DLGAP2: variants seen among roughly 807,000 people sequenced by gnomAD.
The protein encoded by DLGAP2 is disks large-associated protein 2.
DLGAP2 carries 26 observed loss-of-function variants against 100.3 expected under a neutral mutation model. The observed-to-expected ratio is 0.26, with a 90% CI of 0.19 to 0.36. DLGAP2 has a LOEUF of 0.36. Among genes scored for constraint, DLGAP2 ranks in the 10% least tolerant of loss-of-function variants. The pLI is 1.00. For missense variants in DLGAP2, 1,858 were observed against 1,453.2 expected (o/e 1.28, Z -4.53); for synonymous variants, 886 against 630.1 (o/e 1.41, Z -6.08).
chr8:1,051,693 A>T (rs948911165), intron 2 of DLGAP2, among the ~76,000 whole-genome samples: 1 of 152,078 alleles, frequency 6.6e-6, no homozygotes, highest in Non-Finnish European at 1.5e-5. Flanking sequence ...GTTTAGACTC[A>T]CGGAAGCTGC....
chr8:1,286,141 G>A (rs1329936755), intron 3 of DLGAP2, among the ~76,000 whole-genome samples: 3 of 152,160 alleles, frequency 2.0e-5, no homozygotes, highest in Non-Finnish European at 4.4e-5. Flanking sequence ...TGCCATGCTG[G>A]TCTAGTGATA....
chr8:1,055,377 C>G (rs1268364798), intron 2 of DLGAP2, among the ~76,000 whole-genome samples: 1 of 152,128 alleles, frequency 6.6e-6, no homozygotes, highest in Non-Finnish European at 1.5e-5. Flanking sequence ...GTCATCCGTC[C>G]CCTGTAAGTC....
chr8:1,502,748 C>G (rs905331254), intron 4 of DLGAP2, among the ~76,000 whole-genome samples: 2 of 152,166 alleles, frequency 1.3e-5, no homozygotes, highest in Non-Finnish European at 2.9e-5. Context: ...CGTTTGTTTT[C>G]TTGAGGCTTT....
At chr8:1,442,220 G>A (rs909248489) in intron 3 of DLGAP2, among the ~76,000 whole-genome samples, 1 of 104,622 alleles carries the variant, frequency 9.6e-6, no homozygotes, top group African/African-American at 2.9e-5. Flanking sequence ...TTCAGCCACC[G>A]GGGGAGACGG....
chr8:960,166 C>A (rs951837734), intron 2 of DLGAP2, among the ~76,000 whole-genome samples: 2 of 147,620 alleles, frequency 1.4e-5, no homozygotes, highest in African/African-American at 5.0e-5. Flanking sequence ...TTCTTACATG[C>A]TGTTAGAAGT....
intron 3 of DLGAP2, among the ~76,000 whole-genome samples, chr8:1,295,503 T>C (rs1308924595): frequency 1.3e-5 from 2 of 152,246 alleles, no homozygotes; most frequent in East Asian, 3.9e-4. Context: ...CTGTCCACCG[T>C]GATCTGCTGG....
At chr8:1,286,289 C>G (rs1054700830) in intron 3 of DLGAP2, among the ~76,000 whole-genome samples, 1 of 152,210 alleles carries the variant, frequency 6.6e-6, no homozygotes, top group Non-Finnish European at 1.5e-5. Flanking sequence ...AGCCATGCAG[C>G]TCTTTGAGTC....
intron 2 of DLGAP2, among the ~76,000 whole-genome samples, chr8:993,983 G>C (rs1188174519): frequency 1.3e-5 from 2 of 151,996 alleles, no homozygotes; most frequent in African/African-American, 2.4e-5. Context: ...TATAGAGAAT[G>C]AAAGTGCTGT....
Position 1,238,378 on chromosome 8 carries a change from G to GTGTCTAATTCCCTCACATGGCGCCA in DLGAP2, c.74-20463_74-20462insCCTCACATGGCGCCATGTCTAATTC. On this transcript the variant is annotated intron_variant, in intron 2 of 14. Transcript: ENST00000637795. ...GTGTCTAGTTCTCTCACGTGGCGCC[G>GTGTCTAATTCCCTCACATGGCGCCA]TGTCTAATTCTCTCACATGGCGCCA... 3.2e-4 allele frequency among the ~76,000 whole-genome samples: 9 copies of GTGTCTAATTCCCTCACATGGCGCCA among 27,974 alleles called. 2 individuals carry two copies. Among genetic ancestry groups the GTGTCTAATTCCCTCACATGGCGCCA allele is most frequent in the Admixed American group, 3.1e-3 (9 of 2,914 alleles). 18.4% of individuals were successfully genotyped at this position (27,974 alleles called of 152,430 possible). A position where few individuals can be genotyped will look rare whatever the true frequency, so the allele number is the denominator to read the frequency against.
chr8:1,147,258 CA>C (rs1371701034), intron 2 of DLGAP2, among the ~76,000 whole-genome samples: 1 of 151,648 alleles, frequency 6.6e-6, no homozygotes, highest in South Asian at 2.1e-4. Context: ...TTATGTGCGT[CA>C]AAAAAATGAT....
At chr8:988,396 A>G (rs1296255258) in intron 2 of DLGAP2, among the ~76,000 whole-genome samples, 1 of 152,150 alleles carries the variant, frequency 6.6e-6, no homozygotes, top group Non-Finnish European at 1.5e-5. Context: ...TGCAGGTAAC[A>G]CTCAGCCTTA....
chr8:1,591,295 C>A (rs548406263), intron 6 of DLGAP2, among the ~76,000 whole-genome samples: 1 of 152,206 alleles, frequency 6.6e-6, no homozygotes, highest in African/African-American at 2.4e-5. Context: ...CACCCCCTCC[C>A]CCTCCCTCTT....
chr8:1,677,742 C>T (rs938121990), intron 11 of DLGAP2, among the ~76,000 whole-genome samples: 1 of 152,206 alleles, frequency 6.6e-6, no homozygotes, highest in Admixed American at 6.5e-5. Flanking sequence ...ATTTTGCATA[C>T]AGGGGTTAAT....
At chr8:753,254 G>A (rs907558321) in intron 1 of DLGAP2, among the ~76,000 whole-genome samples, 1 of 152,260 alleles carries the variant, frequency 6.6e-6, no homozygotes, top group African/African-American at 2.4e-5. Context: ...TCTGTATCAC[G>A]GAACACAAAC....
At chr8:1,496,752 C>T (rs527949471) in intron 3 of DLGAP2, among the ~76,000 whole-genome samples, 2 of 152,270 alleles carry the variant, frequency 1.3e-5, no homozygotes, top group East Asian at 3.9e-4. Context: ...TGTGTTCACT[C>T]GGGACAGGTC....
intron 5 of DLGAP2, among the ~76,000 whole-genome samples, chr8:1,550,187 T>C (rs535498629): frequency 6.6e-6 from 1 of 152,326 alleles, no homozygotes; most frequent in East Asian, 1.9e-4. Context: ...TTGTGGAGAA[T>C]GGCAGATCTC....
At chr8:888,003 C>G (rs1797955338) in intron 1 of DLGAP2, among the ~76,000 whole-genome samples, 1 of 151,466 alleles carries the variant, frequency 6.6e-6, no homozygotes, top group African/African-American at 2.5e-5. Flanking sequence ...CTGTCTCCTT[C>G]TGGTACTCCA....
intron 2 of DLGAP2, among the ~76,000 whole-genome samples, chr8:964,844 C>T (rs929066284): frequency 6.6e-6 from 1 of 152,230 alleles, no homozygotes; most frequent in African/African-American, 2.4e-5. Context: ...TCCTGGTGGC[C>T]TTGCGATGGC....
At chr8:1,352,249 G>A (rs540425945) in intron 3 of DLGAP2, among the ~76,000 whole-genome samples, 3 of 124,080 alleles carry the variant, frequency 2.4e-5, no homozygotes, top group Non-Finnish European at 3.4e-5. Flanking sequence ...TGGAAAGGCC[G>A]TGTGGGTCCT....
Sources: gnomAD v4.1 joint callset for allele counts (sites outside exome capture counted in the v4.1 genomes callset) on GRCh38, gnomAD v4.1.1 for gene constraint, MANE v1.5 for transcripts, NCBI Gene and HGNC (gene_info 2026-07-23, HGNC 2026-07-21) for gene names.